Variants in CFAP61 observed in about 807,000 individuals in gnomAD.
The protein encoded by CFAP61 is cilia and flagella associated protein 61.
In CFAP61, 107 loss-of-function variants were observed where a neutral mutation model predicts 135.6. The observed-to-expected ratio is 0.79, with a 90% CI of 0.67 to 0.93. The LOEUF is 0.93. Ranked by LOEUF, CFAP61 falls within the 40% of genes least tolerant of loss-of-function variation. The pLI, the probability that CFAP61 is intolerant of heterozygous loss-of-function variation, is 0.00. For synonymous variants in CFAP61, 575 were observed against 578.5 expected, an observed-to-expected ratio of 0.99 and a Z score of 0.09; for missense variants, 1,507 against 1,556.2, an observed-to-expected ratio of 0.97 and a Z score of 0.53.
intron 2 of CFAP61, among the ~76,000 whole-genome samples, chr20:20,070,556 CTG>C (rs1171721531): frequency 6.6e-6 from 1 of 152,150 alleles, no homozygotes; most frequent in Admixed American, 6.5e-5. Context: ...ATAGGGGAAA[CTG>C]TGTAGTCAAA....
intron 25 of CFAP61, among the ~76,000 whole-genome samples, chr20:20,299,914 G>A (rs532049266): frequency 1.4e-4 from 22 of 152,310 alleles, no homozygotes; most frequent in African/African-American, 4.3e-4. Flanking sequence ...GCTGGGTCAC[G>A]GAACATGCAC....
intron 20 of CFAP61, among the ~76,000 whole-genome samples, chr20:20,262,633 A>C (rs1601696616): frequency 6.6e-6 from 1 of 152,180 alleles, no homozygotes; most frequent in Non-Finnish European, 1.5e-5. Context: ...GGTGGAACAG[A>C]GACAAGTCAT....
rs2044359377 is a variant in CFAP61, at chr20:20,056,640, G to A, written c.-14G>A. Reference sequence around the variant, plus strand: ...TAGTGGACTTTTTTCTCTCTTTTGGGGACAGGATAAAAAATGTCAGTACTC... The same window carrying A: ...TAGTGGACTTTTTTCTCTCTTTTGGAGACAGGATAAAAAATGTCAGTACTC... On this transcript the variant is annotated 5_prime_UTR_variant, in exon 2 of 27. Coordinates refer to ENST00000245957, the MANE Select transcript of CFAP61 (RefSeq NM_015585.4). 6.2e-7 allele frequency: 1 copy of A among 1,613,104 alleles called. No individual in the cohort carries two copies. Among genetic ancestry groups the A allele is most frequent in the Non-Finnish European group, 8.5e-7 (1 of 1,179,600 alleles).
At chr20:20,184,318 T>C (rs933308129) in intron 13 of CFAP61, among the ~76,000 whole-genome samples, 1 of 152,234 alleles carries the variant, frequency 6.6e-6, no homozygotes, top group Non-Finnish European at 1.5e-5. Flanking sequence ...GACAGCTGTT[T>C]ATTGAGCATC....
At chr20:20,153,734 A>T (rs1357181794) in intron 9 of CFAP61, among the ~76,000 whole-genome samples, 2 of 152,100 alleles carry the variant, frequency 1.3e-5, no homozygotes, top group Non-Finnish European at 2.9e-5. Flanking sequence ...TTGCCAACAA[A>T]AAAAGTCCAG....
chr20:20,329,185 TC>T (rs757789945), intron 25 of CFAP61, among the ~76,000 whole-genome samples: 10 of 152,062 alleles, frequency 6.6e-5, no homozygotes, highest in Non-Finnish European at 5.9e-5. Flanking sequence ...GGGATTGCCA[TC>T]AACCGTCTTG....
intron 23 of CFAP61, among the ~76,000 whole-genome samples, chr20:20,289,470 G>A (rs2054847878): frequency 6.6e-6 from 1 of 152,218 alleles, no homozygotes; most frequent in African/African-American, 2.4e-5. Flanking sequence ...TTTAGGGTAT[G>A]AGAAATACCT....
chr20:20,187,874 G>C, intron 13 of CFAP61, 56 bp from the exon 14 acceptor site: 1 of 1,361,098 alleles, frequency 7.3e-7, no homozygotes. Context: ...GTCTCCATTT[G>C]GGGGGAATAC....
chr20:20,260,438 G>A (rs2052068059), intron 20 of CFAP61, among the ~76,000 whole-genome samples: 1 of 152,218 alleles, frequency 6.6e-6, no homozygotes, highest in Non-Finnish European at 1.5e-5. Flanking sequence ...TAAACTCTGT[G>A]CAGACAAATT....
intron 26 of CFAP61, among the ~76,000 whole-genome samples, chr20:20,345,145 T>C (rs1247655093): frequency 6.6e-6 from 1 of 152,128 alleles, no homozygotes; most frequent in Non-Finnish European, 1.5e-5. Flanking sequence ...GATTAATGGG[T>C]ACAAAAATAC....
intron 9 of CFAP61, among the ~76,000 whole-genome samples, chr20:20,156,675 A>T (rs2052934288): frequency 2.6e-5 from 4 of 152,210 alleles, no homozygotes; most frequent in Admixed American, 2.6e-4. Flanking sequence ...ACTAATATAT[A>T]AAAAATTAAT....
At chr20:20,052,744 G>A in intron 1 of CFAP61, 153 bp downstream of exon 1, 1 of 1,575,074 alleles carries the variant, frequency 6.3e-7, no homozygotes. Context: ...TAAGAACGGA[G>A]CTCCAATCTG....
intron 20 of CFAP61, chr20:20,253,212 T>TCTTCCTTCCTTCTTTCTGTCCTTC: frequency 6.6e-6 from 1 of 151,608 alleles, no homozygotes; most frequent in Non-Finnish European, 1.5e-5. Context: ...TTCCGTCCTT[T>TCTTCCTTCCTTCTTTCTGTCCTTC]CTTCCTTCCT....
intron 22 of CFAP61, among the ~76,000 whole-genome samples, chr20:20,285,117 TTCC>T (rs1365166430): frequency 6.6e-6 from 1 of 152,238 alleles, no homozygotes; most frequent in Non-Finnish European, 1.5e-5. Context: ...TTCCACCATC[TTCC>T]AACATCCATG....
At chr20:20,062,137 A>G (rs2044851256) in intron 2 of CFAP61, among the ~76,000 whole-genome samples, 1 of 152,156 alleles carries the variant, frequency 6.6e-6, no homozygotes, top group African/African-American at 2.4e-5. Flanking sequence ...TGAGGAGCCC[A>G]GCCTCCAGCA....
At chr20:20,099,582 G>GC (rs994604309) in intron 8 of CFAP61, among the ~76,000 whole-genome samples, 2 of 152,092 alleles carry the variant, frequency 1.3e-5, no homozygotes, top group South Asian at 2.1e-4. Context: ...CCCACACGGG[G>GC]GGGGGGTTGT....
chr20:20,294,227 A>G (rs1220616456), intron 24 of CFAP61, among the ~76,000 whole-genome samples: 1 of 152,204 alleles, frequency 6.6e-6, no homozygotes, highest in East Asian at 1.9e-4. Context: ...CACTTAGTGG[A>G]GCAGCTTTCT....
chr20:20,257,622 AAAAAAC>A, intron 20 of CFAP61, among the ~76,000 whole-genome samples: 1 of 127,616 alleles, frequency 7.8e-6, no homozygotes, highest in Non-Finnish European at 1.7e-5. Flanking sequence ...AAAAAAAACA[AAAAAAC>A]AAAAAAAAAA....
At chr20:20,345,883 C>CT (rs756813997) in intron 26 of CFAP61, among the ~76,000 whole-genome samples, 1,698 of 50,472 alleles carry the variant, frequency 0.034, 404 homozygotes, top group African/African-American at 0.095. Flanking sequence ...GATTGTGCCA[C>CT]TTTTTTTTTT....
Sources: allele counts gnomAD v4.1 joint callset (sites outside exome capture counted in the v4.1 genomes callset), GRCh38; gene constraint gnomAD v4.1.1; transcripts MANE v1.5; gene names NCBI Gene and HGNC (gene_info 2026-07-23, HGNC 2026-07-21).